The following CDH4 variants were observed in gnomAD, a reference collection of about 807,000 sequenced individuals.
CDH4 encodes the protein cadherin-4.
A neutral mutation model predicts 86.0 loss-of-function variants in CDH4; 33 were observed. That is an observed-to-expected ratio of 0.38 (90% CI 0.29 to 0.51). The LOEUF is 0.51. Ranked by LOEUF, CDH4 falls within the 20% of genes least tolerant of loss-of-function variation. CDH4 has a pLI of 0.86. For missense variants in CDH4, 1,114 were observed against 1,307.4 expected (o/e 0.85, Z 2.28); for synonymous variants, 555 against 549.4 (o/e 1.01, Z -0.14).
chr20:61,589,945 A>G (rs952209297), intron 2 of CDH4, among the ~76,000 whole-genome samples: 3 of 151,836 alleles, frequency 2.0e-5, no homozygotes, highest in African/African-American at 7.3e-5. Flanking sequence ...GCTCCTTGAG[A>G]GGGGGCGGCC....
intron 2 of CDH4, among the ~76,000 whole-genome samples, chr20:61,608,182 G>A (rs1469666824): frequency 1.3e-5 from 2 of 152,174 alleles, no homozygotes; most frequent in African/African-American, 4.8e-5. Flanking sequence ...TAGCCTAGAT[G>A]TGTCTGCTTG....
At chr20:61,768,608 A>G (rs2088731024) in intron 3 of CDH4, among the ~76,000 whole-genome samples, 1 of 152,226 alleles carries the variant, frequency 6.6e-6, no homozygotes, top group Non-Finnish European at 1.5e-5. Context: ...ATAATTATGC[A>G]TCAGTGTTTA....
intron 4 of CDH4, among the ~76,000 whole-genome samples, chr20:61,815,623 G>A (rs545916536): frequency 5.9e-5 from 9 of 152,326 alleles, no homozygotes; most frequent in East Asian, 1.9e-4. Context: ...TAGAGAGCCC[G>A]CCTGGTTGGC....
intron 2 of CDH4, among the ~76,000 whole-genome samples, chr20:61,561,855 T>C (rs1470890941): frequency 6.6e-6 from 1 of 152,268 alleles, no homozygotes; most frequent in Non-Finnish European, 1.5e-5. Context: ...TTTCCTGTGC[T>C]GAAGAGCTGG....
At chr20:61,873,997 G>A (rs376698402) in intron 7 of CDH4, 97 bp downstream of exon 7, 2 of 1,320,460 alleles carry the variant, frequency 1.5e-6, no homozygotes, top group African/African-American at 1.4e-5. Context: ...GGCGCCGTCG[G>A]GGAGTGATCG....
intron 2 of CDH4, among the ~76,000 whole-genome samples, chr20:61,619,043 C>T (rs141246362): frequency 4.3e-4 from 66 of 152,336 alleles, no homozygotes; most frequent in African/African-American, 1.4e-3. Flanking sequence ...CAAGTCTTGG[C>T]GTGGCCCCTG....
At chr20:61,398,460 C>T (rs1257039899) in intron 2 of CDH4, among the ~76,000 whole-genome samples, 1 of 152,202 alleles carries the variant, frequency 6.6e-6, no homozygotes, top group Non-Finnish European at 1.5e-5. Flanking sequence ...GGACTAGGCC[C>T]CAAGGGCATG....
At chr20:61,647,288 C>G (rs1057026816) in intron 2 of CDH4, among the ~76,000 whole-genome samples, 1 of 152,160 alleles carries the variant, frequency 6.6e-6, no homozygotes, top group Non-Finnish European at 1.5e-5. Context: ...CCCTTCCTTG[C>G]GGGTGGTACC....
chr20:61,718,772 C>T, intron 2 of CDH4: 1 of 470,190 alleles, frequency 2.1e-6, no homozygotes, highest in Non-Finnish European at 4.4e-6. Context: ...TACACCCCTG[C>T]ACACACACAC....
At chr20:61,633,844 C>G (rs532142989) in intron 2 of CDH4, among the ~76,000 whole-genome samples, 19 of 152,312 alleles carry the variant, frequency 1.2e-4, no homozygotes, top group East Asian at 1.2e-3. Context: ...CCATCTCCCC[C>G]CCAGCTGTCC....
At chr20:61,714,015 ATTC>A (rs1178379765) in intron 2 of CDH4, among the ~76,000 whole-genome samples, 2 of 132,898 alleles carry the variant, frequency 1.5e-5, no homozygotes, top group Admixed American at 7.6e-5. Context: ...TCCATTGTCT[ATTC>A]TTTTTTTATT....
rs73314448 is a variant in CDH4 at position 61,715,851 on chromosome 20, A to G, written c.170-27712A>G. On this transcript the variant is annotated intron_variant, in intron 2 of 15. Coordinates refer to ENST00000614565, the MANE Select transcript of CDH4 (RefSeq NM_001794.5). ...ATGCACTGGGCCAGGCCTGAGGGCC[A>G]TAGCAGGAGCCAGCATTTCTAACAT... Among the ~76,000 whole-genome samples the G allele has an allele frequency of 8.0e-3, 1,214 of 152,334 alleles. 15 individuals carry two copies. The highest frequency in any genetic ancestry group is 0.027 in the African/African-American group (1,139 of 41,580).
At chr20:61,264,253 A>G (rs1189801479) in intron 2 of CDH4, among the ~76,000 whole-genome samples, 1 of 152,044 alleles carries the variant, frequency 6.6e-6, no homozygotes, top group Non-Finnish European at 1.5e-5. Flanking sequence ...CCTTCATTCA[A>G]CCCTGCAGAA....
rs2085845944 is a variant in CDH4 at position 61,518,819 on chromosome 20, C to T, written c.170-224744C>T. On this transcript the variant is annotated intron_variant, in intron 2 of 15. Transcript: ENST00000614565. The surrounding 1 kb of genome is among the most constrained non-coding windows in gnomAD (Gnocchi z 6.3). ...TTCATCCATCCACCCATCATCCATC[C>T]ATTAATCCATCATTCATCCATTCAT... Among the ~76,000 whole-genome samples, 1 of 152,020 alleles carries T rather than the reference C, an allele frequency of 6.6e-6. No individual in the cohort carries two copies. The highest frequency in any genetic ancestry group is 1.5e-5 in the Non-Finnish European group (1 of 67,978).
At chr20:61,863,944 T>C (rs1253004904) in intron 6 of CDH4, among the ~76,000 whole-genome samples, 1 of 25,906 alleles carries the variant, frequency 3.9e-5, no homozygotes, top group Non-Finnish European at 2.5e-3. Flanking sequence ...GCTTAGCCCT[T>C]GGGCGGGTGG....
intron 2 of CDH4, among the ~76,000 whole-genome samples, chr20:61,711,510 C>G (rs1432760417): frequency 6.6e-6 from 1 of 152,234 alleles, no homozygotes; most frequent in Non-Finnish European, 1.5e-5. Context: ...CTTCTACCCT[C>G]AAAGCTAGCA....
At chr20:61,758,772 G>A (rs553820327) in intron 3 of CDH4, among the ~76,000 whole-genome samples, 11 of 152,302 alleles carry the variant, frequency 7.2e-5, no homozygotes, top group African/African-American at 2.6e-4. Flanking sequence ...CCACCTGCCC[G>A]CCTCCCCTGC....
chr20:61,797,636 A>T (rs1196072706), intron 4 of CDH4, among the ~76,000 whole-genome samples: 1 of 152,018 alleles, frequency 6.6e-6, no homozygotes, highest in Non-Finnish European at 1.5e-5. Flanking sequence ...CAATAAAAAA[A>T]AATTGCCAGG....
chr20:61,406,740 G>T (rs1471658689), intron 2 of CDH4, among the ~76,000 whole-genome samples: 7 of 123,572 alleles, frequency 5.7e-5, no homozygotes, highest in Non-Finnish European at 9.7e-5. Context: ...TGCTCTGCCC[G>T]GACCACCATC....
Sources: gnomAD v4.1 joint callset for allele counts (sites outside exome capture counted in the v4.1 genomes callset) on GRCh38, gnomAD v4.1.1 for gene constraint, Gnocchi (gnomAD v3.1) non-coding constraint, MANE v1.5 for transcripts, NCBI Gene and HGNC (gene_info 2026-07-23, HGNC 2026-07-21) for gene names.